The following FNDC3B variants were observed in gnomAD, a reference collection of about 807,000 sequenced individuals.
FNDC3B encodes the protein fibronectin type III domain containing 3B.
Under a neutral mutation model 151.5 loss-of-function variants are expected in FNDC3B, and 12 were observed. The observed-to-expected ratio is 0.08, with a 90% CI of 0.05 to 0.13. The LOEUF is 0.13. Among genes scored for constraint, FNDC3B ranks in the 10% least tolerant of loss-of-function variants. The pLI is 1.00. For synonymous variants in FNDC3B, 528 were observed against 549.0 expected (o/e 0.96, Z 0.54); for missense variants, 1,214 against 1,505.3 (o/e 0.81, Z 3.20).
chr3:172,113,566 A>G (rs1029113607), intron 2 of FNDC3B, among the ~76,000 whole-genome samples: 1 of 152,190 alleles, frequency 6.6e-6, no homozygotes, highest in African/African-American at 2.4e-5. Flanking sequence ...TGCTCAGTAA[A>G]TGTTTGTTAG....
At chr3:172,055,452 AG>A (rs1230918418) in intron 1 of FNDC3B, among the ~76,000 whole-genome samples, 2 of 152,240 alleles carry the variant, frequency 1.3e-5, no homozygotes, top group African/African-American at 4.8e-5. Flanking sequence ...CAATTTAAAC[AG>A]GGAAACAGTG....
At chr3:172,330,325 T>G in intron 12 of FNDC3B, 1 of 466,722 alleles carries the variant, frequency 2.1e-6, no homozygotes, top group South Asian at 3.7e-5. Flanking sequence ...TATTGTCCTG[T>G]GACTTGGTGT....
chr3:172,240,236 C>T (rs1351723712), intron 4 of FNDC3B, among the ~76,000 whole-genome samples: 4 of 152,080 alleles, frequency 2.6e-5, no homozygotes, highest in Admixed American at 6.5e-5. Flanking sequence ...GAGTGTATTA[C>T]CTTCACTTCC....
At chr3:172,244,080 A>AT (rs1439669901) in intron 4 of FNDC3B, among the ~76,000 whole-genome samples, 1 of 152,138 alleles carries the variant, frequency 6.6e-6, no homozygotes, top group Non-Finnish European at 1.5e-5. Flanking sequence ...ACTTAGTCTA[A>AT]TTTTTCTCTT....
intron 1 of FNDC3B, among the ~76,000 whole-genome samples, chr3:172,077,315 T>A (rs961808593): frequency 2.0e-5 from 3 of 152,192 alleles, no homozygotes; most frequent in African/African-American, 7.2e-5. Flanking sequence ...TAGGAATTTG[T>A]CATAGGAGAT....
chr3:172,262,260 G>T (rs1250646629), intron 6 of FNDC3B, among the ~76,000 whole-genome samples: 1 of 152,204 alleles, frequency 6.6e-6, no homozygotes, highest in Non-Finnish European at 1.5e-5. Context: ...AGAGGGGTTG[G>T]GTGGAGACGG....
At chr3:172,214,673 C>A (rs1307741684) in intron 3 of FNDC3B, among the ~76,000 whole-genome samples, 1 of 151,578 alleles carries the variant, frequency 6.6e-6, no homozygotes, top group Non-Finnish European at 1.5e-5. Context: ...TTTTCCATTT[C>A]CATAATCACT....
chr3:172,343,166 A>T, intron 18 of FNDC3B, 50 bp downstream of exon 18: 5 of 939,872 alleles, frequency 5.3e-6, no homozygotes, highest in Non-Finnish European at 8.8e-6. Flanking sequence ...ACAATTGGAG[A>T]TGAAGACTTA....
At position 172,317,189 on chromosome 3, in the gene FNDC3B, C is replaced by CTT. The variant is rs562405291; in HGVS notation, c.1254+6319_1254+6320dup. 1.8e-3 allele frequency: 686 copies of CTT among 386,936 alleles called. 3 individuals are homozygous for CTT. The highest frequency in any genetic ancestry group is 0.012 in the African/African-American group (553 of 45,614). 24.0% of individuals were successfully genotyped at this position (386,936 alleles called of 1,614,324 possible). A position where few individuals can be genotyped will look rare whatever the true frequency, so the allele number is the denominator to read the frequency against. ...GGATTAATTTTCTTTTTCTTTTTTT[C>CTT]TTTTTTTTTTTTGAGACAGAGTCTT... On this transcript the variant is annotated intron_variant, in intron 11 of 25. Transcript: ENST00000415807.
At chr3:172,056,210 AC>A (rs1054845643) in intron 1 of FNDC3B, among the ~76,000 whole-genome samples, 1 of 148,766 alleles carries the variant, frequency 6.7e-6, no homozygotes, top group African/African-American at 2.5e-5. Flanking sequence ...CTAATGAAGG[AC>A]TTTTTTTTTT....
chr3:172,124,780 G>T (rs1720727479), intron 2 of FNDC3B, among the ~76,000 whole-genome samples: 1 of 152,186 alleles, frequency 6.6e-6, no homozygotes, highest in Non-Finnish European at 1.5e-5. Flanking sequence ...GCTTTTAATG[G>T]ATATTTTTAT....
chr3:172,299,034 A>T (rs574084098), intron 9 of FNDC3B, among the ~76,000 whole-genome samples: 21 of 152,244 alleles, frequency 1.4e-4, no homozygotes, highest in Non-Finnish European at 2.6e-4. Context: ...GTAATTTTAC[A>T]TGGTCTTCTA....
At chr3:172,341,654 C>A (rs897907350) in intron 17 of FNDC3B, among the ~76,000 whole-genome samples, 1 of 152,184 alleles carries the variant, frequency 6.6e-6, no homozygotes, top group African/African-American at 2.4e-5. Context: ...ACATACCTTC[C>A]TCAAGGTACT....
intron 7 of FNDC3B, among the ~76,000 whole-genome samples, chr3:172,292,980 C>T (rs993291950): frequency 5.3e-5 from 8 of 152,264 alleles, no homozygotes; most frequent in Admixed American, 2.0e-4. Flanking sequence ...TCTGACAGTG[C>T]AGACGGTACA....
chr3:172,349,870 G>C (rs1262104927), intron 21 of FNDC3B, among the ~76,000 whole-genome samples: 2 of 152,074 alleles, frequency 1.3e-5, no homozygotes. Context: ...TGGCCAGGCT[G>C]GTCTCGAACT....
chr3:172,122,883 T>C (rs1347954454), intron 2 of FNDC3B, among the ~76,000 whole-genome samples: 2 of 152,216 alleles, frequency 1.3e-5, no homozygotes, highest in Non-Finnish European at 2.9e-5. Flanking sequence ...TGGGTGCAGG[T>C]TGACTAGAAA....
chr3:172,207,427 A>G (rs1015331823), intron 3 of FNDC3B, among the ~76,000 whole-genome samples: 1 of 152,196 alleles, frequency 6.6e-6, no homozygotes, highest in Admixed American at 6.5e-5. Context: ...AGATTTGACT[A>G]CTTGCTGCTT....
chr3:172,260,564 G>A (rs1728596915), intron 6 of FNDC3B, among the ~76,000 whole-genome samples: 1 of 152,140 alleles, frequency 6.6e-6, no homozygotes, highest in Admixed American at 6.5e-5. Flanking sequence ...TTTTTTCCTT[G>A]TGAGAACTGC....
At chr3:172,113,290 G>C (rs183131457) in intron 2 of FNDC3B, among the ~76,000 whole-genome samples, 2 of 152,236 alleles carry the variant, frequency 1.3e-5, no homozygotes, top group Non-Finnish European at 2.9e-5. Flanking sequence ...GCATAAAAGC[G>C]AATTTTTATT....
Sources: allele counts gnomAD v4.1 joint callset (sites outside exome capture counted in the v4.1 genomes callset), GRCh38; gene constraint gnomAD v4.1.1; transcripts MANE v1.5; gene names NCBI Gene and HGNC (gene_info 2026-07-23, HGNC 2026-07-21).